Variants in KIAA0586 observed in about 807,000 individuals in gnomAD.
The protein encoded by KIAA0586 is protein TALPID3.
Under a neutral mutation model 169.8 loss-of-function variants are expected in KIAA0586, and 144 were observed. The observed-to-expected ratio is 0.85, with a 90% CI of 0.74 to 0.97. The LOEUF (loss-of-function observed/expected upper bound fraction) is 0.97. KIAA0586 is among the 50% of genes least tolerant of loss of function. The pLI, the probability that KIAA0586 is intolerant of heterozygous loss-of-function variation, is 0.00. For missense variants in KIAA0586, 1,854 were observed against 1,823.0 expected, an observed-to-expected ratio of 1.02 and a Z score of -0.31; for synonymous variants, 625 against 612.4, an observed-to-expected ratio of 1.02 and a Z score of -0.30.
At chr14:58,534,876 A>C (rs1199859354) in intron 29 of KIAA0586, among the ~76,000 whole-genome samples, 1 of 152,216 alleles carries the variant, frequency 6.6e-6, no homozygotes, top group Non-Finnish European at 1.5e-5. Context: ...TGGAAGAATA[A>C]TATACATTCA....
intron 4 of KIAA0586, among the ~76,000 whole-genome samples, chr14:58,435,671 A>T (rs537659299): frequency 6.6e-5 from 10 of 152,172 alleles, no homozygotes; most frequent in African/African-American, 2.4e-4. Flanking sequence ...ATACACACAT[A>T]ATACCCACAA....
At chr14:58,483,949 C>T (rs2042203307) in intron 21 of KIAA0586, among the ~76,000 whole-genome samples, 1 of 152,028 alleles carries the variant, frequency 6.6e-6, no homozygotes, top group African/African-American at 2.4e-5. Context: ...TTGATCTGTG[C>T]TTTATTAGCT....
In KIAA0586 at chr14:58,427,860, G is replaced by A; in HGVS notation, c.-405G>A. 1.5e-6 allele frequency: 2 copies of A among 1,378,802 alleles called. No homozygotes were observed. Among genetic ancestry groups the A allele is most frequent in the Non-Finnish European group, 1.9e-6 (2 of 1,051,904 alleles). The allele number at this position is 1,378,802 out of a possible 1,614,324, so 85.4% of individuals were successfully genotyped here. On this transcript the variant is annotated 5_prime_UTR_variant, in exon 1 of 31. The change creates a premature stop within an existing upstream ORF in the 5' untranslated region. Coordinates refer to ENST00000652326, the MANE Select transcript of KIAA0586 (RefSeq NM_001329943.3). ...AAGAAAGCTATTACGCTTCTTATGT[G>A]GGTCATTATTTTAAAAATAGCATTT...
chr14:58,504,771 T>G (rs1474928574), intron 27 of KIAA0586, among the ~76,000 whole-genome samples: 1 of 152,188 alleles, frequency 6.6e-6, no homozygotes, highest in Non-Finnish European at 1.5e-5. Flanking sequence ...AATTCAGCAC[T>G]GTTATGATTG....
intron 8 of KIAA0586, among the ~76,000 whole-genome samples, chr14:58,452,923 T>C (rs957242999): frequency 1.3e-4 from 19 of 151,812 alleles, no homozygotes; most frequent in African/African-American, 4.4e-4. Flanking sequence ...GCTATAAATT[T>C]TTTTTTTTTT....
intron 29 of KIAA0586, among the ~76,000 whole-genome samples, chr14:58,532,833 G>A (rs2046066054): frequency 6.6e-6 from 1 of 152,158 alleles, no homozygotes; most frequent in Non-Finnish European, 1.5e-5. Flanking sequence ...TTTTAAGCTC[G>A]AATGCTATTT....
At chr14:58,538,280 C>CA (rs2046425007) in intron 29 of KIAA0586, among the ~76,000 whole-genome samples, 2 of 152,126 alleles carry the variant, frequency 1.3e-5, no homozygotes, top group Non-Finnish European at 2.9e-5. Context: ...ATTAAATTTT[C>CA]TACAGTATAA....
chr14:58,450,645 C>T lies in KIAA0586; in HGVS notation c.1028C>T (p.Pro343Leu). Residue 343 changes from proline to leucine, a missense_variant, in exon 8 of 31, where the codon CCT becomes CTT. Physicochemically the swap from Pro to Leu is moderately conservative, Grantham distance 98. Transcript: ENST00000652326. ...AAATCTCCTTTGGAGACACCAGCAC[C>T]TCGCAGATTTGCTCCTGTACCTGTT... ...KQKSPLETPA[P>L]RRFAPVPVSR... 1.9e-6 allele frequency: 3 copies of T among 1,610,830 alleles called. No homozygotes were observed. Among genetic ancestry groups the T allele is most frequent in the Non-Finnish European group, 2.5e-6 (3 of 1,177,140 alleles).
At chr14:58,445,384 G>A (rs1279866687) in intron 6 of KIAA0586, among the ~76,000 whole-genome samples, 1 of 151,818 alleles carries the variant, frequency 6.6e-6, no homozygotes, top group Admixed American at 6.6e-5. Context: ...ATCCTCACAA[G>A]GAGCTGTAGC....
intron 27 of KIAA0586, among the ~76,000 whole-genome samples, chr14:58,503,058 T>C (rs61974553): frequency 0.025 from 3,877 of 152,294 alleles, 66 homozygotes; most frequent in South Asian, 0.055. Context: ...AGTTGCAAAA[T>C]TGGCTTTGAG....
At chr14:58,505,099 G>C (rs371097398) in intron 27 of KIAA0586, among the ~76,000 whole-genome samples, 51 of 152,218 alleles carry the variant, frequency 3.4e-4, no homozygotes, top group African/African-American at 1.2e-3. Flanking sequence ...CCCATGTTAA[G>C]ATTCTGGCAT....
chr14:58,522,297 T>G (rs1411445967), intron 29 of KIAA0586, among the ~76,000 whole-genome samples: 1 of 152,248 alleles, frequency 6.6e-6, no homozygotes, highest in Non-Finnish European at 1.5e-5. Context: ...AAATAATCTT[T>G]TGTTATGCAG....
intron 11 of KIAA0586, 110 bp from the exon 12 acceptor site, chr14:58,458,363 G>A: frequency 1.6e-6 from 1 of 638,516 alleles, no homozygotes; most frequent in Non-Finnish European, 2.7e-6. Context: ...CTTTTCAGAT[G>A]AAAGATATTA....
In KIAA0586 at chr14:58,512,554, A is replaced by C; in HGVS notation, c.4356A>C (p.Gln1452His). 1.3e-6 allele frequency: 2 copies of C among 1,544,326 alleles called. No homozygotes were observed. Among genetic ancestry groups the C allele is most frequent in the Non-Finnish European group, 1.7e-6 (2 of 1,153,024 alleles). The change falls in exon 29 of 31, where the codon CAA becomes CAC. Residue 1452 changes from glutamine to histidine, a missense_variant. Gln to His is a conservative substitution (Grantham distance 24). Transcript: ENST00000652326. The stretch of plus-strand genomic sequence containing the variant: ...TAAAGCAAAATCAGGATGTTAAGCA[A>C]GTTGAACACAAACCATCACAAAGTT... ...YQLKQNQDVK[Q>H]VEHKPSQSYL...
chr14:58,447,605 T>C (rs552343705), intron 6 of KIAA0586, among the ~76,000 whole-genome samples: 1 of 152,066 alleles, frequency 6.6e-6, no homozygotes, highest in East Asian at 1.9e-4. Flanking sequence ...CTCAGCCTCC[T>C]GAGTAGCTGG....
At chr14:58,505,342 T>A (rs908730476) in intron 27 of KIAA0586, among the ~76,000 whole-genome samples, 1 of 152,088 alleles carries the variant, frequency 6.6e-6, no homozygotes, top group Non-Finnish European at 1.5e-5. Context: ...TTTCCAATAA[T>A]TTATTTAGTT....
intron 20 of KIAA0586, among the ~76,000 whole-genome samples, chr14:58,479,223 A>G (rs906853992): frequency 5.9e-5 from 9 of 152,208 alleles, no homozygotes; most frequent in Admixed American, 2.0e-4. Flanking sequence ...ATTTCTGAAC[A>G]TATGTGGAGG....
rs1250052921 is a variant in KIAA0586 at position 58,490,175 on chromosome 14, A to G, written c.3793A>G (p.Ile1265Val). ...ATTTTAATTTCTAGTTTTAGAAGAT[A>G]TAGGACTGTACCTGACAAACCTTAA... ...QKLAPKILEDIGLYLTNLNDS... is the reference protein window; with the variant it reads ...QKLAPKILEDVGLYLTNLNDS... Residue 1265 changes from isoleucine to valine, a missense_variant, in exon 25 of 31, where the codon ATA becomes GTA. Coordinates refer to ENST00000652326, the MANE Select transcript of KIAA0586 (RefSeq NM_001329943.3). The G allele has an allele frequency of 1.0e-5, 15 of 1,452,108 alleles. No individual in the cohort carries two copies. The highest frequency in any genetic ancestry group is 2.5e-5 in the East Asian group (1 of 40,112). 90.0% of individuals were successfully genotyped at this position (1,452,108 alleles called of 1,614,324 possible).
chr14:58,533,202 G>A (rs1436527545), intron 29 of KIAA0586, among the ~76,000 whole-genome samples: 1 of 152,176 alleles, frequency 6.6e-6, no homozygotes, highest in Non-Finnish European at 1.5e-5. Context: ...TCATATGTTG[G>A]ATATTTTCTA....
Sources: allele counts gnomAD v4.1 joint callset (sites outside exome capture counted in the v4.1 genomes callset), GRCh38; gene constraint gnomAD v4.1.1; transcripts MANE v1.5; gene names NCBI Gene and HGNC (gene_info 2026-07-23, HGNC 2026-07-21).